The following DYNC2I1 variants were observed in gnomAD, a reference collection of about 807,000 sequenced individuals.
The protein encoded by DYNC2I1 is cytoplasmic dynein 2 intermediate chain 1.
DYNC2I1 carries 89 observed loss-of-function variants against 133.4 expected under a neutral mutation model. The ratio of observed to expected loss-of-function variants is 0.67; its 90% CI spans 0.56 to 0.80. The LOEUF (loss-of-function observed/expected upper bound fraction) is 0.80, where lower values mean the gene tolerates loss of function less well. Ranked by LOEUF, DYNC2I1 falls within the 30% of genes least tolerant of loss-of-function variation. The pLI, the probability that DYNC2I1 is intolerant of heterozygous loss-of-function variation, is 0.00. For synonymous variants in DYNC2I1, 504 were observed against 484.3 expected, an observed-to-expected ratio of 1.04 and a Z score of -0.54; for missense variants, 1,291 against 1,314.5, an observed-to-expected ratio of 0.98 and a Z score of 0.28.
rs776539990 is a variant in DYNC2I1 at position 158,945,070 on chromosome 7, C to T, written c.3003-511C>T. Among the ~76,000 whole-genome samples, 5 of 152,034 alleles carry T rather than the reference C, an allele frequency of 3.3e-5. No homozygotes were observed. The highest frequency in any genetic ancestry group is 4.8e-5 in the African/African-American group (2 of 41,400). On this transcript the variant is annotated intron_variant, in intron 24 of 24. Coordinates refer to ENST00000407559, the MANE Select transcript of DYNC2I1 (RefSeq NM_018051.5). This position sits in a 1 kb window ranked among gnomAD's most constrained non-coding sequence, Gnocchi z 4.1. ...GGGAAGGGGCCCCTGGGAGTGAGAT[C>T]GGGGAGACAGGGTGGCCACAGGTCT...
chr7:158,864,015 G>A (rs1842168489), intron 1 of DYNC2I1, among the ~76,000 whole-genome samples: 1 of 145,486 alleles, frequency 6.9e-6, no homozygotes, highest in African/African-American at 2.6e-5. Flanking sequence ...GGGGGAGAGC[G>A]GGACGTCCTT....
chr7:158,883,619 A>G (rs1263249250), intron 5 of DYNC2I1, among the ~76,000 whole-genome samples: 1 of 151,146 alleles, frequency 6.6e-6, no homozygotes, highest in Non-Finnish European at 1.5e-5. Flanking sequence ...TAAGTACAAT[A>G]AATATACAAA....
rs561503636 is a variant in DYNC2I1, at chr7:158,923,744, T to C, written c.2257+11T>C. On this transcript the variant is annotated intron_variant, in intron 17 of 24. Coordinates refer to ENST00000407559, the MANE Select transcript of DYNC2I1 (RefSeq NM_018051.5). ...CCACGTTTTCCACCGGTCAGTGTCATCTGCCTGCCAATTGTGTGTCTGCTA... is the reference window on the plus strand; with the variant it reads ...CCACGTTTTCCACCGGTCAGTGTCACCTGCCTGCCAATTGTGTGTCTGCTA... 8 of 1,596,030 alleles carry C rather than the reference T, an allele frequency of 5.0e-6. No homozygotes were observed. In the South Asian group the frequency reaches 7.9e-5, roughly 16 times the overall value.
At chr7:158,850,040 C>A in the DYNC2I1 span, among the ~76,000 whole-genome samples, 1 of 152,228 alleles carries the variant, frequency 6.6e-6, no homozygotes, top group Admixed American at 6.5e-5. Flanking sequence ...AACCCCTGCT[C>A]AGAGATTGGA....
intron 20 of DYNC2I1, 145 bp downstream of exon 20, chr7:158,927,188 G>T: frequency 1.6e-6 from 1 of 611,510 alleles, no homozygotes; most frequent in Non-Finnish European, 2.8e-6. Flanking sequence ...GATTGCTTGA[G>T]CCCAGGAGTT....
At chr7:158,847,454 C>G in the DYNC2I1 span, among the ~76,000 whole-genome samples, 1 of 151,858 alleles carries the variant, frequency 6.6e-6, no homozygotes, top group Non-Finnish European at 1.5e-5. Flanking sequence ...AAAAAAGGCA[C>G]AGAATGAGAA....
At chr7:158,887,707 T>G (rs1844743054) in intron 7 of DYNC2I1, among the ~76,000 whole-genome samples, 1 of 152,208 alleles carries the variant, frequency 6.6e-6, no homozygotes, top group Non-Finnish European at 1.5e-5. Context: ...ACAAAGTCGC[T>G]CAGGCTCTGA....
Position 158,899,952 on chromosome 7 carries a change from C to T in DYNC2I1, c.1060-1787C>T, listed in dbSNP as rs113832941. On this transcript the variant is annotated intron_variant, in intron 8 of 24. Transcript: ENST00000407559. ...AGACAGGTCTACTGGCAACAAATTC[C>T]CTCAATTTTGTTTGAAAGTCTTTAT... is the stretch of plus-strand genomic sequence containing the variant. Among the ~76,000 whole-genome samples the T allele has an allele frequency of 8.7e-3, 1,327 of 152,152 alleles. 9 individuals carry two copies. Among genetic ancestry groups the T allele is most frequent in the African/African-American group, 0.029 (1,204 of 41,490 alleles).
intron 15 of DYNC2I1, among the ~76,000 whole-genome samples, chr7:158,919,423 C>A (rs1315880794): frequency 6.6e-6 from 1 of 152,234 alleles, no homozygotes. Flanking sequence ...TCAGTTCAGA[C>A]AAACTGCATT....
Position 158,890,599 on chromosome 7 carries a change from C to CT in DYNC2I1, c.991-655dup, listed in dbSNP as rs891958833. On this transcript the variant is annotated intron_variant, in intron 7 of 24. Transcript: ENST00000407559. Reference sequence around the variant, plus strand: ...ACTGCCTAGTTTTGGGTAGTGACTTCTTTTTTTTTTTCTTTGAGACTGAGT... The same window carrying CT: ...ACTGCCTAGTTTTGGGTAGTGACTTCTTTTTTTTTTTTCTTTGAGACTGAGT... 2.7e-4 allele frequency among the ~76,000 whole-genome samples: 40 copies of CT among 147,210 alleles called. 1 individual carries two copies. Among genetic ancestry groups the CT allele is most frequent in the South Asian group, 1.3e-3 (6 of 4,654 alleles).
intron 8 of DYNC2I1, among the ~76,000 whole-genome samples, chr7:158,900,400 G>A (rs1346411625): frequency 2.0e-5 from 3 of 152,148 alleles, no homozygotes; most frequent in Admixed American, 6.5e-5. Context: ...GGGATTATAG[G>A]TGTGAGCCAC....
At chr7:158,906,942 C>T (rs991884663) in intron 11 of DYNC2I1, among the ~76,000 whole-genome samples, 1 of 152,104 alleles carries the variant, frequency 6.6e-6, no homozygotes, top group African/African-American at 2.4e-5. Context: ...AGTTCAAGAG[C>T]CTGAGCAAGG....
At chr7:158,949,070 C>T (rs1851972233), downstream of DYNC2I1, among the ~76,000 whole-genome samples, 1 of 152,178 alleles carries the variant, frequency 6.6e-6, no homozygotes, top group Middle Eastern at 3.2e-3. Flanking sequence ...TCCACGTCTG[C>T]CCCCGAGAGA....
chr7:158,907,087 C>G (rs1846897724), intron 11 of DYNC2I1, among the ~76,000 whole-genome samples: 1 of 151,750 alleles, frequency 6.6e-6, no homozygotes, highest in African/African-American at 2.4e-5. Context: ...TGCACTCCAG[C>G]CTTGAGGCTG....
intron 16 of DYNC2I1, among the ~76,000 whole-genome samples, chr7:158,923,149 T>C (rs542985498): frequency 6.6e-6 from 1 of 152,336 alleles, no homozygotes; most frequent in East Asian, 1.9e-4. Context: ...ATGTATTCCC[T>C]GGCCTCAAAC....
intron 11 of DYNC2I1, among the ~76,000 whole-genome samples, chr7:158,908,496 T>C (rs977814411): frequency 6.6e-6 from 1 of 152,342 alleles, no homozygotes; most frequent in South Asian, 2.1e-4. Context: ...TAGAGACTTA[T>C]TATCCCTAAT....
At chr7:158,915,390 T>A (rs62476474) in intron 14 of DYNC2I1, among the ~76,000 whole-genome samples, 1 of 58,130 alleles carries the variant, frequency 1.7e-5, no homozygotes, top group South Asian at 5.0e-4. Context: ...AACGTCGACA[T>A]GCTGGTTGAC....
intron 1 of DYNC2I1, among the ~76,000 whole-genome samples, chr7:158,858,490 T>G (rs1350702858): frequency 2.0e-5 from 3 of 152,212 alleles, no homozygotes; most frequent in Non-Finnish European, 4.4e-5. Flanking sequence ...TTGGACCATG[T>G]CTTTCATAAA....
the DYNC2I1 span, among the ~76,000 whole-genome samples, chr7:158,848,437 C>T: frequency 6.6e-6 from 1 of 152,134 alleles, no homozygotes; most frequent in Admixed American, 6.5e-5. Flanking sequence ...AATTTTCTGT[C>T]CCCCATGAGT....
Sources: gnomAD v4.1 joint callset for allele counts (sites outside exome capture counted in the v4.1 genomes callset) on GRCh38, gnomAD v4.1.1 for gene constraint, Gnocchi (gnomAD v3.1) non-coding constraint, MANE v1.5 for transcripts, NCBI Gene and HGNC (gene_info 2026-07-23, HGNC 2026-07-21) for gene names.